The following DYNLL1 variants were observed in gnomAD, a reference collection of about 807,000 sequenced individuals.
The protein encoded by DYNLL1 is dynein light chain 1, cytoplasmic.
Under a neutral mutation model 10.1 loss-of-function variants are expected in DYNLL1, and 3 were observed. The observed-to-expected ratio is 0.30, with a 90% CI of 0.14 to 0.77. DYNLL1 has a LOEUF of 0.77. Among genes scored for constraint, DYNLL1 ranks in the 30% least tolerant of loss-of-function variants. DYNLL1 has a pLI of 0.66. For synonymous variants in DYNLL1, 46 were observed against 41.2 expected, an observed-to-expected ratio of 1.12 and a Z score of -0.45; for missense variants, 47 against 111.7, an observed-to-expected ratio of 0.42 and a Z score of 2.61.
intron 1 of DYNLL1, among the ~76,000 whole-genome samples, chr12:120,476,309 G>GTT (rs5801386): frequency 1.4e-3 from 199 of 146,980 alleles, no homozygotes; most frequent in Admixed American, 1.2e-3. Context: ...ATTATCTGGA[G>GTT]TTTTTTTTTT....
chr12:120,479,776 T>C (rs1252042403), intron 1 of DYNLL1, among the ~76,000 whole-genome samples: 1 of 152,126 alleles, frequency 6.6e-6, no homozygotes, highest in African/African-American at 2.4e-5. Context: ...AGTTAGAGCA[T>C]GGGGTGGAGG....
chr12:120,492,365 C>T (rs1001173260), upstream of DYNLL1, among the ~76,000 whole-genome samples: 2 of 152,032 alleles, frequency 1.3e-5, no homozygotes, highest in South Asian at 2.1e-4. The surrounding 1 kb of genome is among the most constrained non-coding windows in gnomAD (Gnocchi z 4.1). Flanking sequence ...GTCTGGAGTT[C>T]GAGACCAGCC....
At chr12:120,489,770 T>A in intron 1 of DYNLL1, among the ~76,000 whole-genome samples, 1 of 151,300 alleles carries the variant, frequency 6.6e-6, no homozygotes, top group Non-Finnish European at 1.5e-5. Flanking sequence ...TTTTTTGAGG[T>A]GGAGTCTCTC....
At chr12:120,494,378 G>A (rs755903130), upstream of DYNLL1, among the ~76,000 whole-genome samples, 2 of 151,452 alleles carry the variant, frequency 1.3e-5, no homozygotes, top group African/African-American at 4.9e-5. Flanking sequence ...CCGGGTTCAA[G>A]TGATTCTCCT....
intron 1 of DYNLL1, among the ~76,000 whole-genome samples, chr12:120,483,089 C>G (rs1029525731): frequency 6.6e-6 from 1 of 151,968 alleles, no homozygotes; most frequent in African/African-American, 2.4e-5. Context: ...CCTGTAATCC[C>G]AGCACTTTGG....
At chr12:120,475,093 G>A (rs552738738) in intron 1 of DYNLL1, among the ~76,000 whole-genome samples, 1 of 152,272 alleles carries the variant, frequency 6.6e-6, no homozygotes, top group East Asian at 1.9e-4. Context: ...AAATGGGAAA[G>A]ATAATTCAAG....
chr12:120,497,783 A>C (rs1868502418), intron 2 of DYNLL1: 1 of 338,008 alleles, frequency 3.0e-6, no homozygotes, highest in Non-Finnish European at 5.4e-6. Context: ...AATGAATATT[A>C]TAGAAGGTAT....
chr12:120,476,462 C>A (rs1878754623), intron 1 of DYNLL1, among the ~76,000 whole-genome samples: 1 of 152,164 alleles, frequency 6.6e-6, no homozygotes, highest in Admixed American at 6.5e-5. Flanking sequence ...ATGTGCAGGG[C>A]TTCTGTGAAT....
chr12:120,491,443 G>A (rs1261151222), upstream of DYNLL1: 3 of 152,320 alleles, frequency 2.0e-5, no homozygotes, highest in South Asian at 2.1e-4. Flanking sequence ...TTTCTGGATG[G>A]GGTCTTCAAT....
chr12:120,470,958 T>C (rs1447352377), intron 1 of DYNLL1, among the ~76,000 whole-genome samples: 2 of 151,906 alleles, frequency 1.3e-5, no homozygotes, highest in Non-Finnish European at 2.9e-5. Context: ...GGCAGGAGAA[T>C]TGCTTGAGCC....
intron 1 of DYNLL1, among the ~76,000 whole-genome samples, chr12:120,481,731 A>G (rs999718879): frequency 2.0e-5 from 3 of 151,876 alleles, no homozygotes; most frequent in African/African-American, 7.3e-5. Context: ...CTCTAGCCCC[A>G]CTCCCCTCCC....
chr12:120,484,200 G>A (rs1043534030), intron 1 of DYNLL1, among the ~76,000 whole-genome samples: 1 of 152,046 alleles, frequency 6.6e-6, no homozygotes, highest in Non-Finnish European at 1.5e-5. Context: ...AGTAGACAGG[G>A]GAAACTGATG....
intron 1 of DYNLL1, among the ~76,000 whole-genome samples, chr12:120,482,601 C>G (rs1212943943): frequency 6.6e-6 from 1 of 151,892 alleles, no homozygotes; most frequent in African/African-American, 2.4e-5. Flanking sequence ...GGATTACAGG[C>G]GTGAGCCACC....
At chr12:120,492,690 ACC>A (rs1555221717), upstream of DYNLL1, among the ~76,000 whole-genome samples, 1 of 152,156 alleles carries the variant, frequency 6.6e-6, no homozygotes, top group Non-Finnish European at 1.5e-5. The surrounding 1 kb of genome is among the most constrained non-coding windows in gnomAD (Gnocchi z 4.1). Context: ...AGAAACATTA[ACC>A]CCTAGTTATA....
rs1592997071 is a variant in DYNLL1 at position 120,475,432 on chromosome 12, C to T, written c.-7+5328C>T. Among the ~76,000 whole-genome samples, 3 of 152,256 alleles carry T rather than the reference C, an allele frequency of 2.0e-5. No individual in the cohort carries two copies. The East Asian group carries it at 5.8e-4, about 29-fold the overall frequency. ...ACTCCTGCCTCCCTGCCCCCTCAACCTCCACCTCCTGACCCTGATCCTGCA... is the reference window on the plus strand; with the variant it reads ...ACTCCTGCCTCCCTGCCCCCTCAACTTCCACCTCCTGACCCTGATCCTGCA... On this transcript the variant is annotated intron_variant, in intron 1 of 2. Transcript: ENST00000392509.
At chr12:120,489,802 C>T (rs555238139) in intron 1 of DYNLL1, among the ~76,000 whole-genome samples, 1 of 152,310 alleles carries the variant, frequency 6.6e-6, no homozygotes, top group South Asian at 2.1e-4. Flanking sequence ...GACTGGAGTG[C>T]AGTGGCGCGA....
rs139325991 is a variant in DYNLL1 at position 120,474,552 on chromosome 12, C to G, written c.-7+4448C>G. 1.9e-3 allele frequency among the ~76,000 whole-genome samples: 291 copies of G among 152,160 alleles called. 2 individuals carry two copies. Among genetic ancestry groups the G allele is most frequent in the African/African-American group, 6.6e-3 (276 of 41,530 alleles). On this transcript the variant is annotated intron_variant, in intron 1 of 2. Coordinates refer to the DYNLL1 transcript ENST00000392509. ...AGAACTTATCCATATAACCAAACAC[C>G]ACCTGTTCCCCAAAAACCTATTGAA...
At chr12:120,486,151 A>G (rs1390580421) in intron 1 of DYNLL1, among the ~76,000 whole-genome samples, 1 of 152,244 alleles carries the variant, frequency 6.6e-6, no homozygotes, top group Non-Finnish European at 1.5e-5. Context: ...CACTCATTAC[A>G]TTATTTTACT....
intron 1 of DYNLL1, among the ~76,000 whole-genome samples, chr12:120,489,687 C>G (rs1879076914): frequency 6.6e-6 from 1 of 152,168 alleles, no homozygotes; most frequent in African/African-American, 2.4e-5. Flanking sequence ...TCAGAGAGGT[C>G]TTCCTAGAAA....
Sources: allele counts gnomAD v4.1 joint callset (sites outside exome capture counted in the v4.1 genomes callset), GRCh38; gene constraint gnomAD v4.1.1; non-coding constraint Gnocchi (gnomAD v3.1); transcripts MANE v1.5; gene names NCBI Gene and HGNC (gene_info 2026-07-23, HGNC 2026-07-21).